The following PKDREJ variants were observed in gnomAD, a reference collection of about 807,000 sequenced individuals.
PKDREJ encodes PKD and REJ homolog.
For synonymous variants in PKDREJ, 1,031 were observed against 1,095.5 expected (o/e 0.94, Z 1.16); for missense variants, 2,507 against 2,807.2 (o/e 0.89, Z 2.42).
Position 46,260,902 on chromosome 22 carries a change from A to G in PKDREJ, c.2421T>C (p.Ser807=). 1 of 1,613,886 alleles carries G rather than the reference A, an allele frequency of 6.2e-7. No individual in the cohort carries two copies. The highest frequency in any genetic ancestry group is 8.5e-7 in the Non-Finnish European group (1 of 1,179,796). ...TAGACAAACTCATTAGTATTCCAGT[A>G]CTCACGATTTCTATTTGTTCAGATC... ...RFRSEQIEIV[S]TGILMSLSNI... Residue 807 remains serine (S), a synonymous_variant, in exon 1 of 1, where the codon AGT becomes AGC. Transcript: ENST00000253255. This position sits in a 1 kb window ranked among gnomAD's most constrained non-coding sequence, Gnocchi z 4.5.
rs1177028690 is a variant in PKDREJ at position 46,258,738 on chromosome 22, T to G, written c.4585A>C (p.Lys1529Gln). 2 of 1,614,198 alleles carry G rather than the reference T, an allele frequency of 1.2e-6. No individual in the cohort carries two copies. The highest frequency in any genetic ancestry group is 1.7e-6 in the Non-Finnish European group (2 of 1,180,026). The change falls in exon 1 of 1, where the codon AAG (lysine) becomes CAG (glutamine). Residue 1529 changes from lysine to glutamine, a missense_variant. By Grantham distance (53) the Lys-to-Gln change is moderately conservative (BLOSUM62 1). Coordinates refer to ENST00000253255, the MANE Select transcript of PKDREJ (RefSeq NM_006071.2). This position sits in a 1 kb window ranked among gnomAD's most constrained non-coding sequence, Gnocchi z 6.1. ...PKHRHRKAQIKTPETLGPNTN... is the reference protein window; with the variant it reads ...PKHRHRKAQIQTPETLGPNTN... ...TTTGGCCCGAGGGTCTCCGGGGTCT[T>G]GATTTGTGCTTTCCTATGCCTGTGC...
Position 46,262,354 on chromosome 22 carries a change from G to A in PKDREJ, c.969C>T (p.Asp323=). Residue 323 remains aspartate, a synonymous_variant, in exon 1 of 1, where the codon GAC becomes GAT. Coordinates refer to ENST00000253255, the MANE Select transcript of PKDREJ (RefSeq NM_006071.2). This position sits in a 1 kb window ranked among gnomAD's most constrained non-coding sequence, Gnocchi z 8.1. ...CGATCCAGACATAGACGGCGTCCGA[G>A]TCTTTCACCTCGGGCATCTTGGGGT... ...TGNPKMPEVK[D]SDAVYVWIVR... The A allele has an allele frequency of 6.2e-7, 1 of 1,614,168 alleles. No individual in the cohort carries two copies. The highest frequency in any genetic ancestry group is 8.5e-7 in the Non-Finnish European group (1 of 1,180,022).
Position 46,262,822 on chromosome 22 carries a change from G to A in PKDREJ, c.501C>T (p.Ala167=), listed in dbSNP as rs145480472. ...SPAARVSPRS[A]APGPRPQQGF... ...CCTGCTGGGGCCGCGGGCCTGGCGC[G>A]GCGGAGCGCGGGGAGACGCGGGCCG... is the stretch of plus-strand genomic sequence containing the variant. The change falls in exon 1 of 1, where the codon GCC becomes GCT. Residue 167 remains alanine (A), a synonymous_variant. Coordinates refer to ENST00000253255, the MANE Select transcript of PKDREJ (RefSeq NM_006071.2). This position sits in a 1 kb window ranked among gnomAD's most constrained non-coding sequence, Gnocchi z 8.1. 72,465 of 1,251,358 alleles carry A rather than the reference G, an allele frequency of 0.058. 4,771 individuals carry two copies. The highest frequency in any genetic ancestry group is 0.33 in the African/African-American group (21,317 of 64,370). 77.5% of individuals were successfully genotyped at this position (1,251,358 alleles called of 1,614,324 possible).
chr22:46,258,103 G>A lies in PKDREJ; in HGVS notation c.5220C>T (p.Asn1740=). ...TAGAGAACCGATCACGAATAAACTGGTTATAGTAAAAGCAGTCAGTGTGAC... is the reference window on the plus strand; with the variant it reads ...TAGAGAACCGATCACGAATAAACTGATTATAGTAAAAGCAGTCAGTGTGAC... The part of the protein sequence containing the change: ...LLRHTDCFYY[N]QFIRDRFSMD... Residue 1740 remains asparagine (N), a synonymous_variant, in exon 1 of 1, where the codon AAC becomes AAT. Coordinates refer to ENST00000253255, the MANE Select transcript of PKDREJ (RefSeq NM_006071.2). The surrounding 1 kb of genome is among the most constrained non-coding windows in gnomAD (Gnocchi z 6.1). 1 of 1,613,954 alleles carries A rather than the reference G, an allele frequency of 6.2e-7. No homozygotes were observed. Among genetic ancestry groups the A allele is most frequent in the Non-Finnish European group, 8.5e-7 (1 of 1,179,864 alleles).
chr22:46,260,165 G>A lies in PKDREJ; in HGVS notation c.3158C>T (p.Ala1053Val), dbSNP rs1447923478. The stretch of plus-strand genomic sequence containing the variant: ...GGACACAGGGAGGCAGACTACACGG[G>A]CCTTCTTCACTGTGCAGGCTGGGTC... ...LFDPACTVKK[A>V]RVVCLPVSLL... is the part of the protein sequence containing the mutation. The change falls in exon 1 of 1, where the codon GCC (alanine) becomes GTC (valine). Residue 1053 changes from alanine (A) to valine (V), a missense_variant. Coordinates refer to ENST00000253255, the MANE Select transcript of PKDREJ (RefSeq NM_006071.2). This position sits in a 1 kb window ranked among gnomAD's most constrained non-coding sequence, Gnocchi z 4.5. The A allele has an allele frequency of 1.2e-6, 2 of 1,614,082 alleles. No individual in the cohort carries two copies. The highest frequency in any genetic ancestry group is 1.7e-5 in the Admixed American group (1 of 60,022).
Position 46,262,845 on chromosome 22 carries a change from C to G in PKDREJ, c.478G>C (p.Ala160Pro). 1 of 1,210,028 alleles carries G rather than the reference C, an allele frequency of 8.3e-7. No individual in the cohort carries two copies. Among genetic ancestry groups the G allele is most frequent in the Non-Finnish European group, 1.0e-6 (1 of 966,488 alleles). The allele number at this position is 1,210,028 out of a possible 1,614,324, so 75.0% of individuals were successfully genotyped here. A position where few individuals can be genotyped will look rare whatever the true frequency, so the allele number is the denominator to read the frequency against. Residue 160 changes from alanine (A) to proline (P), a missense_variant, in exon 1 of 1, where the codon GCC becomes CCC. Physicochemically the swap from Ala to Pro is conservative, Grantham distance 27. Coordinates refer to ENST00000253255, the MANE Select transcript of PKDREJ (RefSeq NM_006071.2). The surrounding 1 kb of genome is among the most constrained non-coding windows in gnomAD (Gnocchi z 8.1). Reference sequence around the variant, plus strand: ...GCGGCGGAGCGCGGGGAGACGCGGGCCGCGGGGGAGGCCGGGCGGGCGGCG... The same window carrying G: ...GCGGCGGAGCGCGGGGAGACGCGGGGCGCGGGGGAGGCCGGGCGGGCGGCG... ...PGAARPASPA[A>P]RVSPRSAAPG...
rs148069586 is a variant in PKDREJ, at chr22:46,260,990, G to A, written c.2333C>T (p.Thr778Ile). 19 of 1,614,028 alleles carry A rather than the reference G, an allele frequency of 1.2e-5. No individual in the cohort carries two copies. In the African/African-American group the frequency reaches 1.9e-4, roughly 16 times the overall value. Residue 778 changes from threonine (T) to isoleucine (I), a missense_variant, in exon 1 of 1, where the codon ACC becomes ATC. Transcript: ENST00000253255. The surrounding 1 kb of genome is among the most constrained non-coding windows in gnomAD (Gnocchi z 4.5). The part of the protein sequence containing the change: ...EFTWDAQKRA[T>I]MRVWQANQAL... ...TTGATTTGCTTGCCATACCCTCATG[G>A]TGGCACGTTTCTGAGCATCCCAAGT...
chr22:46,258,670 A>T lies in PKDREJ; in HGVS notation c.4653T>A (p.His1551Gln). 6.2e-7 allele frequency: 1 copy of T among 1,614,194 alleles called. No homozygotes were observed. Among genetic ancestry groups the T allele is most frequent in the Non-Finnish European group, 8.5e-7 (1 of 1,180,038 alleles). The stretch of plus-strand genomic sequence containing the variant: ...CCTTTTGGGAAGGGTGCTGTTCGGA[A>T]TGGACATCCTGATCATCTTCTATGT... ...NNNIEDDQDVHSEQHPSQKDL... is the reference protein window; with the variant it reads ...NNNIEDDQDVQSEQHPSQKDL... Residue 1551 changes from histidine to glutamine, a missense_variant, in exon 1 of 1, where the codon CAT becomes CAA. Physicochemically the swap from His to Gln is conservative, Grantham distance 24 (BLOSUM62 0). Coordinates refer to ENST00000253255, the MANE Select transcript of PKDREJ (RefSeq NM_006071.2). This position sits in a 1 kb window ranked among gnomAD's most constrained non-coding sequence, Gnocchi z 6.1.
chr22:46,257,552 T>G lies in PKDREJ; in HGVS notation c.5771A>C (p.Asp1924Ala). ...VVLELTTFNP[D>A]INLFCSISVI... ...CGAAATGCTACAGAACAGATTTATA[T>G]CTGGATTAAAAGTTGTTAATTCCAA... Residue 1924 changes from aspartate to alanine, a missense_variant, in exon 1 of 1, where the codon GAT (aspartate) becomes GCT (alanine). Physicochemically the swap from Asp to Ala is moderately radical, Grantham distance 126. Transcript: ENST00000253255. This position sits in a 1 kb window ranked among gnomAD's most constrained non-coding sequence, Gnocchi z 4.7. 2.5e-6 allele frequency: 4 copies of G among 1,614,192 alleles called. No individual in the cohort carries two copies. The highest frequency in any genetic ancestry group is 3.4e-6 in the Non-Finnish European group (4 of 1,180,044).
chr22:46,258,199 G>T lies in PKDREJ; in HGVS notation c.5124C>A (p.Leu1708=). 1 of 1,614,152 alleles carries T rather than the reference G, an allele frequency of 6.2e-7. No homozygotes were observed. The highest frequency in any genetic ancestry group is 8.5e-7 in the Non-Finnish European group (1 of 1,180,018). The change falls in exon 1 of 1, where the codon CTC becomes CTA. Residue 1708 remains leucine, a synonymous_variant. Transcript: ENST00000253255. The surrounding 1 kb of genome is among the most constrained non-coding windows in gnomAD (Gnocchi z 6.1). ...GAGTTAGAATGTAACTCAGAAACAG[G>T]AGTGCTCTTCTCTTGATCCTCTTCT... The part of the protein sequence containing the change: ...KRKKRIKRRA[L]LFLSYILTHF...
chr22:46,259,520 T>C lies in PKDREJ; in HGVS notation c.3803A>G (p.His1268Arg). ...TCGGTAGAGAGTTGTGAAATGTGGA[T>C]GGCTTAAACAATGCACGTCGCTGGT... ...VSTSDVHCLS[H>R]PHFTTLYRGS... The change falls in exon 1 of 1, where the codon CAT (histidine) becomes CGT (arginine). Residue 1268 changes from histidine (H) to arginine (R), a missense_variant. Transcript: ENST00000253255. This position sits in a 1 kb window ranked among gnomAD's most constrained non-coding sequence, Gnocchi z 6.8. 2 of 1,614,194 alleles carry C rather than the reference T, an allele frequency of 1.2e-6. No homozygotes were observed. Among genetic ancestry groups the C allele is most frequent in the Non-Finnish European group, 1.7e-6 (2 of 1,180,040 alleles).
chr22:46,256,225 C>T lies in PKDREJ; in HGVS notation c.*336G>A, dbSNP rs986708148. 1.2e-5 allele frequency: 3 copies of T among 251,076 alleles called. No homozygotes were observed. Among genetic ancestry groups the T allele is most frequent in the Admixed American group, 1.0e-4 (2 of 19,956 alleles). 15.6% of individuals were successfully genotyped at this position (251,076 alleles called of 1,614,324 possible). On this transcript the variant is annotated 3_prime_UTR_variant, in exon 1 of 1. Coordinates refer to ENST00000253255, the MANE Select transcript of PKDREJ (RefSeq NM_006071.2). The surrounding 1 kb of genome is among the most constrained non-coding windows in gnomAD (Gnocchi z 5.3). ...AGGTCCCTCTCTCAAATCTGGTTCT[C>T]AAAACCAGTGGCTCTGCCTTCTCTA...
At position 46,256,957 on chromosome 22, in the gene PKDREJ, A is replaced by G; in HGVS notation, c.6366T>C (p.Ile2122=). 6.2e-7 allele frequency: 1 copy of G among 1,614,012 alleles called. No homozygotes were observed. Among genetic ancestry groups the G allele is most frequent in the Non-Finnish European group, 8.5e-7 (1 of 1,179,986 alleles). ...AGGAAAATACTGTCTGAGTGGAATG[A>G]ATCAAGTTACTGTAGTTCCATTCAT... is the stretch of plus-strand genomic sequence containing the variant. ...GQHEWNYSNL[I]HSTQTVFSYC... is the part of the protein sequence containing the mutation. The change falls in exon 1 of 1, where the codon ATT becomes ATC. Residue 2122 remains isoleucine (I), a synonymous_variant. Coordinates refer to ENST00000253255, the MANE Select transcript of PKDREJ (RefSeq NM_006071.2). The surrounding 1 kb of genome is among the most constrained non-coding windows in gnomAD (Gnocchi z 5.3).
At position 46,259,974 on chromosome 22, in the gene PKDREJ, C is replaced by T; in HGVS notation, c.3349G>A (p.Gly1117Ser). Residue 1117 changes from glycine (G) to serine (S), a missense_variant, in exon 1 of 1, where the codon GGT becomes AGT. By Grantham distance (56) the Gly-to-Ser change is moderately conservative (BLOSUM62 0). Coordinates refer to ENST00000253255, the MANE Select transcript of PKDREJ (RefSeq NM_006071.2). This position sits in a 1 kb window ranked among gnomAD's most constrained non-coding sequence, Gnocchi z 6.8. ...MYGIQSEWRE[G>S]YCILGEKTSW... Reference sequence around the variant, plus strand: ...GTCTTCTCACCAAGAATGCAATAACCCTCTCTCCATTCACTCTGGATCCCA... The same window carrying T: ...GTCTTCTCACCAAGAATGCAATAACTCTCTCTCCATTCACTCTGGATCCCA... 4 of 1,614,136 alleles carry T rather than the reference C, an allele frequency of 2.5e-6. No homozygotes were observed. Among genetic ancestry groups the T allele is most frequent in the Non-Finnish European group, 3.4e-6 (4 of 1,180,036 alleles).
rs142828305 is a variant in PKDREJ, at chr22:46,256,926, C to T, written c.6397G>A (p.Val2133Ile). 9.3e-6 allele frequency: 15 copies of T among 1,613,958 alleles called. No homozygotes were observed. Among genetic ancestry groups the T allele is most frequent in the African/African-American group, 1.3e-5 (1 of 75,044 alleles). The change falls in exon 1 of 1, where the codon GTC (valine) becomes ATC (isoleucine). Residue 2133 changes from valine to isoleucine, a missense_variant. Transcript: ENST00000253255. This position sits in a 1 kb window ranked among gnomAD's most constrained non-coding sequence, Gnocchi z 5.3. ...HSTQTVFSYC[V>I]SAFQNTEFSN... ...AATTCAGTGTTCTGGAAAGCTGAGA[C>T]ACAATAGGAAAATACTGTCTGAGTG...
Position 46,259,941 on chromosome 22 carries a change from A to G in PKDREJ, c.3382T>C (p.Tyr1128His), listed in dbSNP as rs1019967250. 5 of 1,613,820 alleles carry G rather than the reference A, an allele frequency of 3.1e-6. No homozygotes were observed. The highest frequency in any genetic ancestry group is 4.2e-6 in the Non-Finnish European group (5 of 1,179,944). The stretch of plus-strand genomic sequence containing the variant: ...TTCTTGCAGATGCAGTGCACCTCAT[A>G]CCAGCTGGTCTTCTCACCAAGAATG... ...YCILGEKTSW[Y>H]EVHCICKNVV... is the part of the protein sequence containing the mutation. Residue 1128 changes from tyrosine to histidine, a missense_variant, in exon 1 of 1, where the codon TAT (tyrosine) becomes CAT (histidine). Coordinates refer to ENST00000253255, the MANE Select transcript of PKDREJ (RefSeq NM_006071.2). The surrounding 1 kb of genome is among the most constrained non-coding windows in gnomAD (Gnocchi z 6.8).
In PKDREJ at chr22:46,257,586, C is replaced by T; in HGVS notation, c.5737G>A (p.Ala1913Thr). 2.5e-6 allele frequency: 4 copies of T among 1,614,148 alleles called. No individual in the cohort carries two copies. The highest frequency in any genetic ancestry group is 3.4e-6 in the Non-Finnish European group (4 of 1,180,030). Residue 1913 changes from alanine to threonine, a missense_variant, in exon 1 of 1, where the codon GCT (alanine) becomes ACT (threonine). Transcript: ENST00000253255. This position sits in a 1 kb window ranked among gnomAD's most constrained non-coding sequence, Gnocchi z 4.7. ...ESNWLDEKTW[A>T]VVLELTTFNP... ...AAAGTTGTTAATTCCAAAACCACAG[C>T]CCATGTCTTCTCATCCAGCCAATTG...
In PKDREJ at chr22:46,262,636, G is replaced by A; in HGVS notation, c.687C>T (p.Ala229=). Residue 229 remains alanine (A), a synonymous_variant, in exon 1 of 1, where the codon GCC becomes GCT. Coordinates refer to ENST00000253255, the MANE Select transcript of PKDREJ (RefSeq NM_006071.2). The surrounding 1 kb of genome is among the most constrained non-coding windows in gnomAD (Gnocchi z 8.1). ...CCGCCTGCATGCTCAGGCGCACGGG[G>A]GCGCCCTTCTGGTCCGTGTTGATCC... ...RVRINTDQKG[A]PVRLSMQAEA... is the part of the protein sequence containing the mutation. The A allele has an allele frequency of 1.9e-6, 3 of 1,613,076 alleles. No homozygotes were observed. The highest frequency in any genetic ancestry group is 2.2e-5 in the East Asian group (1 of 44,848).
rs760593978 is a variant in PKDREJ, at chr22:46,257,145, G to A, written c.6178C>T (p.Leu2060=). The part of the protein sequence containing the change: ...MRIILGFLLF[L]TILKTLRYSR... ...TACCTGAGGGTCTTCAAAATTGTCA[G>A]AAATAACAGGAAACCCAAAATTATC... is the stretch of plus-strand genomic sequence containing the variant. The change falls in exon 1 of 1, where the codon CTG becomes TTG. Residue 2060 remains leucine, a synonymous_variant. Coordinates refer to ENST00000253255, the MANE Select transcript of PKDREJ (RefSeq NM_006071.2). This position sits in a 1 kb window ranked among gnomAD's most constrained non-coding sequence, Gnocchi z 4.7. 26 of 1,613,900 alleles carry A rather than the reference G, an allele frequency of 1.6e-5. No individual in the cohort carries two copies. In the East Asian group the frequency reaches 5.6e-4, roughly 35 times the overall value.
Sources: gnomAD v4.1 joint callset for allele counts on GRCh38, gnomAD v4.1.1 for gene constraint, Gnocchi (gnomAD v3.1) non-coding constraint, MANE v1.5 for transcripts, NCBI Gene and HGNC (gene_info 2026-07-23, HGNC 2026-07-21) for gene names.